LPP: variants seen among roughly 807,000 people sequenced by gnomAD.
The protein encoded by LPP is lipoma-preferred partner.
LPP carries 38 observed loss-of-function variants against 60.4 expected under a neutral mutation model. The ratio of observed to expected loss-of-function variants is 0.63; its 90% confidence interval spans 0.49 to 0.83. The LOEUF (loss-of-function observed/expected upper bound fraction) is 0.83, where lower values mean the gene tolerates loss of function less well. Among genes scored for constraint, LPP ranks in the 40% least tolerant of loss-of-function variants. The probability of loss-of-function intolerance (pLI) is 0.00; values close to 1 mark genes in which losing one functional copy is unlikely to be tolerated. For missense variants in LPP, 902 were observed against 783.6 expected (o/e 1.15, Z -1.80); for synonymous variants, 328 against 290.8 (o/e 1.13, Z -1.30).
At chr3:188,157,896 A>T (rs768362336) in intron 1 of LPP, among the ~76,000 whole-genome samples, 4 of 152,180 alleles carry the variant, frequency 2.6e-5, no homozygotes, top group Non-Finnish European at 4.4e-5. Context: ...ATAGTAGCAG[A>T]TGCAGAAGCA....
intron 2 of LPP, among the ~76,000 whole-genome samples, chr3:188,266,158 T>C (rs1735455643): frequency 6.6e-6 from 1 of 151,912 alleles, no homozygotes; most frequent in Admixed American, 6.6e-5. Context: ...CCTCCTCCTC[T>C]TTCTATATCA....
intron 1 of LPP, among the ~76,000 whole-genome samples, chr3:188,160,002 C>G (rs994071378): frequency 3.3e-5 from 5 of 151,964 alleles, no homozygotes; most frequent in Middle Eastern, 6.8e-3. Context: ...AACCTCCACC[C>G]CCTGGGTTCA....
chr3:188,391,792 T>C (rs1412423775), intron 3 of LPP, among the ~76,000 whole-genome samples: 1 of 151,918 alleles, frequency 6.6e-6, no homozygotes, highest in Non-Finnish European at 1.5e-5. Flanking sequence ...GTCCAGCTAC[T>C]TACTCTTTTT....
intron 7 of LPP, among the ~76,000 whole-genome samples, chr3:188,667,877 A>G (rs1856145189): frequency 6.6e-6 from 1 of 151,940 alleles, no homozygotes; most frequent in Non-Finnish European, 1.5e-5. Flanking sequence ...TCCAAATAAA[A>G]GATAGATTTC....
intron 3 of LPP, among the ~76,000 whole-genome samples, chr3:188,364,360 T>C (rs1254128799): frequency 6.6e-6 from 1 of 152,234 alleles, no homozygotes; most frequent in Non-Finnish European, 1.5e-5. Context: ...TTGATACTTA[T>C]TTATATACTT....
At chr3:188,745,047 T>A (rs1164434747) in intron 8 of LPP, among the ~76,000 whole-genome samples, 1 of 152,130 alleles carries the variant, frequency 6.6e-6, no homozygotes, top group Non-Finnish European at 1.5e-5. Flanking sequence ...TTGAGTCTCC[T>A]TTCTTTTTTC....
intron 6 of LPP, among the ~76,000 whole-genome samples, chr3:188,583,085 T>A (rs1181820080): frequency 6.6e-6 from 1 of 152,220 alleles, no homozygotes; most frequent in African/African-American, 2.4e-5. Flanking sequence ...TCCTGTAGTA[T>A]AAGACAGTGA....
intron 5 of LPP, among the ~76,000 whole-genome samples, chr3:188,485,580 G>A (rs951406392): frequency 2.6e-5 from 4 of 151,670 alleles, no homozygotes; most frequent in South Asian, 2.1e-4. Context: ...GGCGGATCAC[G>A]AGGTCAGGAG....
intron 7 of LPP, among the ~76,000 whole-genome samples, chr3:188,642,456 G>A (rs1252201565): frequency 6.6e-6 from 1 of 152,168 alleles, no homozygotes; most frequent in Non-Finnish European, 1.5e-5. Context: ...ACTAAGAAAT[G>A]GAATAAATGT....
Position 188,874,619 on chromosome 3 carries a change from A to G in LPP, c.*140A>G. Reference sequence around the variant, plus strand: ...ACCTTGCCTTAGAAACACATAAATTATGAGATTTTTTTTAAAAGTTGTTAC... The same window carrying G: ...ACCTTGCCTTAGAAACACATAAATTGTGAGATTTTTTTTAAAAGTTGTTAC... On this transcript the variant is annotated 3_prime_UTR_variant, in exon 12 of 12. Transcript: ENST00000617246. The G allele has an allele frequency of 1.0e-6, 1 of 975,698 alleles. No homozygotes were observed. Among genetic ancestry groups the G allele is most frequent in the African/African-American group, 1.6e-5 (1 of 61,338 alleles). 60.4% of individuals were successfully genotyped at this position (975,698 alleles called of 1,614,324 possible). A position where few individuals can be genotyped will look rare whatever the true frequency, so the allele number is the denominator to read the frequency against.
chr3:188,781,828 G>A (rs988012081), intron 9 of LPP, among the ~76,000 whole-genome samples: 2 of 150,080 alleles, frequency 1.3e-5, no homozygotes, highest in South Asian at 2.1e-4. Flanking sequence ...GGAGGCGGAC[G>A]TTGCAGTGAG....
At chr3:188,459,907 AGTTTCTCAT>A (rs1798611880) in intron 4 of LPP, among the ~76,000 whole-genome samples, 1 of 152,088 alleles carries the variant, frequency 6.6e-6, no homozygotes, top group Non-Finnish European at 1.5e-5. Flanking sequence ...GGCCTTAGTC[AGTTTCTCAT>A]GTTTCTTATG....
intron 6 of LPP, among the ~76,000 whole-genome samples, chr3:188,589,655 A>T (rs1280607892): frequency 6.6e-6 from 1 of 152,178 alleles, no homozygotes; most frequent in Non-Finnish European, 1.5e-5. Context: ...TTTTTTCTTT[A>T]CCACTGAAAA....
intron 4 of LPP, among the ~76,000 whole-genome samples, chr3:188,461,182 G>C (rs1394912474): frequency 6.6e-6 from 1 of 152,138 alleles, no homozygotes; most frequent in African/African-American, 2.4e-5. Context: ...CCTTCCCACT[G>C]GAGGATTTTC....
intron 2 of LPP, among the ~76,000 whole-genome samples, chr3:188,340,674 A>G (rs1762826433): frequency 6.6e-6 from 1 of 152,104 alleles, no homozygotes; most frequent in Non-Finnish European, 1.5e-5. Context: ...AGGTCTTTCA[A>G]CTAAAGCAGT....
At chr3:188,637,017 T>C (rs1279106444) in intron 7 of LPP, among the ~76,000 whole-genome samples, 1 of 147,936 alleles carries the variant, frequency 6.8e-6, no homozygotes, top group Non-Finnish European at 1.5e-5. Context: ...GTGGACCTAA[T>C]AGACATCTGC....
At chr3:188,482,164 T>C (rs1804973959) in intron 4 of LPP, among the ~76,000 whole-genome samples, 1 of 152,200 alleles carries the variant, frequency 6.6e-6, no homozygotes, top group African/African-American at 2.4e-5. Context: ...TCTGCCGTGA[T>C]TGTAACTTTC....
At chr3:188,786,377 C>T (rs1429056803) in intron 9 of LPP, among the ~76,000 whole-genome samples, 10 of 95,740 alleles carry the variant, frequency 1.0e-4, no homozygotes, top group Admixed American at 4.0e-4. Context: ...CGTGAGACTC[C>T]GTCTCAAAAA....
intron 3 of LPP, among the ~76,000 whole-genome samples, chr3:188,361,545 CCCTCT>C (rs1173978169): frequency 0.068 from 4,403 of 64,518 alleles, 117 homozygotes; most frequent in Middle Eastern, 0.19. Context: ...TCCTCTCCTC[CCCTCT>C]CCTCTCCTCT....
Sources: gnomAD v4.1 joint callset for allele counts (sites outside exome capture counted in the v4.1 genomes callset) on GRCh38, gnomAD v4.1.1 for gene constraint, MANE v1.5 for transcripts, NCBI Gene and HGNC (gene_info 2026-07-23, HGNC 2026-07-21) for gene names.